Variants in PGS1 observed in about 807,000 individuals in gnomAD.
PGS1 encodes the protein CDP-diacylglycerol--glycerol-3-phosphate 3-phosphatidyltransferase, mitochondrial.
PGS1 carries 44 observed loss-of-function variants against 58.3 expected under a neutral mutation model. That is an observed-to-expected ratio of 0.75 (90% CI 0.59 to 0.97). The LOEUF (loss-of-function observed/expected upper bound fraction) is 0.97, where lower values mean the gene tolerates loss of function less well. PGS1 is among the 50% of genes least tolerant of loss of function. The pLI is 0.00. For synonymous variants in PGS1, 330 were observed against 311.0 expected, an observed-to-expected ratio of 1.06 and a Z score of -0.64; for missense variants, 684 against 731.1, an observed-to-expected ratio of 0.94 and a Z score of 0.74.
intron 9 of PGS1, chr17:78,423,571 G>C: frequency 3.3e-6 from 1 of 306,714 alleles, no homozygotes; most frequent in Non-Finnish European, 6.3e-6. Context: ...TGACCCCCCC[G>C]GGAAGTCAGG....
chr17:78,395,423 G>C (rs2083158666), intron 2 of PGS1, among the ~76,000 whole-genome samples: 1 of 152,174 alleles, frequency 6.6e-6, no homozygotes, highest in African/African-American at 2.4e-5. Flanking sequence ...CTGTCTTCCT[G>C]TGTTGACAAT....
rs372229822 is a variant in PGS1, at chr17:78,414,989, G to A, written c.1513G>A (p.Val505Met). Reference sequence around the variant, plus strand: ...GGACCTGGAGGCCCAGATTGCGATCGTGACGGAGAACCAGGCCCTGCAGCA... The same window carrying A: ...GGACCTGGAGGCCCAGATTGCGATCATGACGGAGAACCAGGCCCTGCAGCA... ...HRDLEAQIAIVTENQALQQQL... is the reference protein window; with the variant it reads ...HRDLEAQIAIMTENQALQQQL... The change falls in exon 8 of 10, where the codon GTG (valine) becomes ATG (methionine). Residue 505 changes from valine to methionine, a missense_variant. By Grantham distance (21) the Val-to-Met change is conservative (BLOSUM62 1). Transcript: ENST00000262764. 277 of 1,613,428 alleles carry A rather than the reference G, an allele frequency of 1.7e-4. No individual in the cohort carries two copies. The highest frequency in any genetic ancestry group is 2.2e-4 in the East Asian group (10 of 44,892).
In PGS1 at chr17:78,395,365, C is replaced by T. The variant is rs919881247; in HGVS notation, c.334-943C>T. Among the ~76,000 whole-genome samples, 51 of 152,218 alleles carry T rather than the reference C, an allele frequency of 3.4e-4. 2 individuals are homozygous for T. The highest frequency in any genetic ancestry group is 6.2e-4 in the South Asian group (3 of 4,818). On this transcript the variant is annotated intron_variant, in intron 2 of 9. Transcript: ENST00000262764. ...GAAGTTGCTTTGTTTTTTCCTTGTC[C>T]GGAAGCCTTTCCTAGTGATTGTTCA...
At chr17:78,393,337 G>A (rs2082975524) in intron 2 of PGS1, among the ~76,000 whole-genome samples, 1 of 152,214 alleles carries the variant, frequency 6.6e-6, no homozygotes, top group South Asian at 2.1e-4. Context: ...TGGGATTACA[G>A]GCATGAGCCA....
At chr17:78,399,275 G>A in intron 4 of PGS1, 73 bp from the exon 5 acceptor site, 1 of 1,189,688 alleles carries the variant, frequency 8.4e-7, no homozygotes. Context: ...AGGCCACGTG[G>A]AGGTGGCTCC....
At chr17:78,412,333 G>C (rs1207155712) in intron 7 of PGS1, among the ~76,000 whole-genome samples, 1 of 152,144 alleles carries the variant, frequency 6.6e-6, no homozygotes, top group African/African-American at 2.4e-5. Context: ...TCTCAGGTAT[G>C]TTGAAAACGT....
At chr17:78,392,120 C>T (rs983783362) in intron 1 of PGS1, among the ~76,000 whole-genome samples, 1 of 152,094 alleles carries the variant, frequency 6.6e-6, no homozygotes, top group African/African-American at 2.4e-5. Flanking sequence ...AGAACGTTGC[C>T]ATGTGGTAGC....
chr17:78,388,698 C>T (rs1266777326), intron 1 of PGS1, among the ~76,000 whole-genome samples: 1 of 152,070 alleles, frequency 6.6e-6, no homozygotes, highest in Non-Finnish European at 1.5e-5. Flanking sequence ...ACCCTCCCCT[C>T]TGAGTTCCTT....
At chr17:78,378,864 C>T (rs1025603371) in intron 1 of PGS1, 56 bp downstream of exon 1, 23 of 1,351,352 alleles carry the variant, frequency 1.7e-5, no homozygotes, top group Admixed American at 8.2e-5. Context: ...CCCGGCCCCC[C>T]GGCGCTCAAA....
At chr17:78,380,377 C>T (rs768120351) in intron 1 of PGS1, among the ~76,000 whole-genome samples, 1 of 152,090 alleles carries the variant, frequency 6.6e-6, no homozygotes, top group Non-Finnish European at 1.5e-5. Context: ...GAGCTTGCTT[C>T]ATGGTGATCT....
chr17:78,402,345 G>A (rs1445721846), intron 6 of PGS1, among the ~76,000 whole-genome samples: 1 of 151,856 alleles, frequency 6.6e-6, no homozygotes, highest in Non-Finnish European at 1.5e-5. Flanking sequence ...ATCAACTTTG[G>A]ACAGTTGATA....
chr17:78,412,856 A>G (rs906870796), intron 7 of PGS1, among the ~76,000 whole-genome samples: 3 of 151,380 alleles, frequency 2.0e-5, no homozygotes, highest in Non-Finnish European at 4.4e-5. Flanking sequence ...GGAATGAGCA[A>G]TGGCAGGTGG....
intron 2 of PGS1, among the ~76,000 whole-genome samples, chr17:78,394,624 C>T (rs369684457): frequency 7.9e-5 from 12 of 151,910 alleles, no homozygotes; most frequent in East Asian, 1.9e-4. Context: ...GGCACGATCT[C>T]GGCTCATCAC....
intron 1 of PGS1, among the ~76,000 whole-genome samples, chr17:78,379,391 G>T (rs1046685890): frequency 6.6e-6 from 1 of 152,140 alleles, no homozygotes; most frequent in Admixed American, 6.6e-5. Context: ...ATTTCAAAGG[G>T]CCTGTGTTCT....
intron 2 of PGS1, among the ~76,000 whole-genome samples, chr17:78,396,062 C>T (rs1217109335): frequency 1.3e-5 from 2 of 152,198 alleles, no homozygotes; most frequent in African/African-American, 2.4e-5. Flanking sequence ...TCTTAATGGC[C>T]GTGTTGCATT....
At chr17:78,390,518 A>G (rs2082752420) in intron 1 of PGS1, among the ~76,000 whole-genome samples, 1 of 152,142 alleles carries the variant, frequency 6.6e-6, no homozygotes, top group South Asian at 2.1e-4. Context: ...GACATTTACG[A>G]AGCCTGGGAA....
intron 1 of PGS1, among the ~76,000 whole-genome samples, chr17:78,389,436 T>C (rs2082653007): frequency 6.6e-6 from 1 of 151,810 alleles, no homozygotes; most frequent in African/African-American, 2.4e-5. Context: ...CTGCCCGCCT[T>C]GGCCTCCCAA....
intron 9 of PGS1, chr17:78,421,895 A>AGCAGCGG (rs1202037253): frequency 1.4e-5 from 2 of 143,010 alleles, no homozygotes; most frequent in South Asian, 2.1e-4. Flanking sequence ...AGCAACAGAG[A>AGCAGCGG]GCAGCGGGCG....
Position 78,420,186 on chromosome 17 carries a change from C to G in PGS1, c.*10+511C>G, listed in dbSNP as rs535804577. 3.4e-5 allele frequency: 34 copies of G among 999,452 alleles called. No homozygotes were observed. In the South Asian group the frequency reaches 1.3e-3, roughly 38 times the overall value. 61.9% of individuals were successfully genotyped at this position (999,452 alleles called of 1,614,324 possible). ...ACCGTGGGCTGCTGCCTGGACGCCTCGCTGACATCCCTGTGCTGCGGTTAC... is the reference window on the plus strand; with the variant it reads ...ACCGTGGGCTGCTGCCTGGACGCCTGGCTGACATCCCTGTGCTGCGGTTAC... On this transcript the variant is annotated intron_variant, in intron 9 of 9. Transcript: ENST00000262764.
Sources: gnomAD v4.1 joint callset for allele counts (sites outside exome capture counted in the v4.1 genomes callset) on GRCh38, gnomAD v4.1.1 for gene constraint, MANE v1.5 for transcripts, NCBI Gene and HGNC (gene_info 2026-07-23, HGNC 2026-07-21) for gene names.